The following EBF1 variants were observed in gnomAD, a reference collection of about 807,000 sequenced individuals.
EBF1 encodes transcription factor COE1.
Under a neutral mutation model 68.4 loss-of-function variants are expected in EBF1, and 10 were observed. The ratio of observed to expected loss-of-function variants is 0.15; its 90% confidence interval spans 0.09 to 0.25. The LOEUF (loss-of-function observed/expected upper bound fraction) is 0.25, where lower values mean the gene tolerates loss of function less well. Ranked by LOEUF, EBF1 falls within the 10% of genes least tolerant of loss-of-function variation. The probability of loss-of-function intolerance (pLI) is 1.00; values close to 1 mark genes in which losing one functional copy is unlikely to be tolerated. For synonymous variants in EBF1, 298 were observed against 299.8 expected, an observed-to-expected ratio of 0.99 and a Z score of 0.06; for missense variants, 509 against 794.4, an observed-to-expected ratio of 0.64 and a Z score of 4.32.
chr5:158,963,487 C>G (rs751732009), intron 6 of EBF1, among the ~76,000 whole-genome samples: 4 of 152,150 alleles, frequency 2.6e-5, no homozygotes, highest in Non-Finnish European at 5.9e-5. Flanking sequence ...CTCCCTCCAA[C>G]TGAAAAAACA....
At chr5:158,843,034 A>G (rs1790634132) in intron 6 of EBF1, among the ~76,000 whole-genome samples, 1 of 152,226 alleles carries the variant, frequency 6.6e-6, no homozygotes, top group South Asian at 2.1e-4. Context: ...TTTGCTAATA[A>G]GAGTAAATAA....
At chr5:158,955,789 C>A (rs6556376) in intron 6 of EBF1, among the ~76,000 whole-genome samples, 57,267 of 151,918 alleles carry the variant, frequency 0.38, 11,087 homozygotes, top group South Asian at 0.61. Flanking sequence ...CTCAGATCAA[C>A]CCTCAAAGAG....
chr5:159,091,963 C>T (rs1781731908), intron 4 of EBF1, among the ~76,000 whole-genome samples: 1 of 151,968 alleles, frequency 6.6e-6, no homozygotes, highest in Non-Finnish European at 1.5e-5. Flanking sequence ...AATTTGGTAT[C>T]TTTTCTTTGA....
At chr5:158,798,882 T>A (rs983804647) in intron 8 of EBF1, among the ~76,000 whole-genome samples, 5 of 152,118 alleles carry the variant, frequency 3.3e-5, no homozygotes, top group African/African-American at 4.8e-5. Context: ...CCCTCCTACC[T>A]CTACACTCAG....
intron 6 of EBF1, among the ~76,000 whole-genome samples, chr5:158,904,061 C>T (rs1246059329): frequency 1.3e-5 from 2 of 152,118 alleles, no homozygotes; most frequent in African/African-American, 4.8e-5. Context: ...AAACCAAACC[C>T]AAGGCCCTGA....
At chr5:159,086,107 C>A (rs1780597541) in intron 4 of EBF1, among the ~76,000 whole-genome samples, 1 of 152,078 alleles carries the variant, frequency 6.6e-6, no homozygotes, top group Non-Finnish European at 1.5e-5. Flanking sequence ...TACATGTACA[C>A]CTACAAAAAG....
At chr5:159,056,582 G>A (rs1038906201) in intron 6 of EBF1, among the ~76,000 whole-genome samples, 4 of 152,056 alleles carry the variant, frequency 2.6e-5, no homozygotes, top group South Asian at 2.1e-4. Flanking sequence ...AAACCTCTTC[G>A]GGCTTAGGCA....
At chr5:158,856,870 A>G (rs1216868279) in intron 6 of EBF1, among the ~76,000 whole-genome samples, 3 of 152,154 alleles carry the variant, frequency 2.0e-5, no homozygotes, top group African/African-American at 4.8e-5. Flanking sequence ...TCCCTTTACC[A>G]CTGTAGGGTA....
intron 6 of EBF1, among the ~76,000 whole-genome samples, chr5:159,049,490 T>C (rs1030387988): frequency 1.3e-5 from 2 of 152,188 alleles, no homozygotes; most frequent in African/African-American, 4.8e-5. Context: ...TCTGAACCAC[T>C]ATGAAAGGAA....
chr5:158,922,939 G>A (rs1399248556), intron 6 of EBF1, among the ~76,000 whole-genome samples: 1 of 152,160 alleles, frequency 6.6e-6, no homozygotes, highest in African/African-American at 2.4e-5. Flanking sequence ...AATTCAAGTG[G>A]CCACTTGTAT....
intron 6 of EBF1, among the ~76,000 whole-genome samples, chr5:158,939,133 C>T (rs1159474288): frequency 1.3e-5 from 2 of 152,164 alleles, no homozygotes; most frequent in East Asian, 1.9e-4. Context: ...AAATGGAGCC[C>T]GTGGGCACTT....
At chr5:158,791,153 T>C (rs1240193701) in intron 9 of EBF1, among the ~76,000 whole-genome samples, 1 of 151,930 alleles carries the variant, frequency 6.6e-6, no homozygotes, top group Non-Finnish European at 1.5e-5. Context: ...ACCCCGTCTC[T>C]ACTAAAAATA....
chr5:158,895,823 C>T (rs1802068447), intron 6 of EBF1, among the ~76,000 whole-genome samples: 2 of 152,198 alleles, frequency 1.3e-5, no homozygotes, highest in African/African-American at 2.4e-5. Flanking sequence ...TGCTGAAATG[C>T]AACTCAACTT....
chr5:159,090,318 A>G (rs73305738), intron 4 of EBF1, among the ~76,000 whole-genome samples: 1 of 151,982 alleles, frequency 6.6e-6, no homozygotes, highest in Non-Finnish European at 1.5e-5. Context: ...AAGGCACACT[A>G]GTTAAAAATT....
chr5:159,010,834 T>A (rs1247707594), intron 6 of EBF1, among the ~76,000 whole-genome samples: 1 of 152,202 alleles, frequency 6.6e-6, no homozygotes, highest in Non-Finnish European at 1.5e-5. Context: ...GCTCTTTAAT[T>A]GAAAAAAGCT....
intron 6 of EBF1, among the ~76,000 whole-genome samples, chr5:159,040,442 TG>T: frequency 6.6e-6 from 1 of 152,348 alleles, no homozygotes; most frequent in East Asian, 1.9e-4. Flanking sequence ...GAAGCTGAGT[TG>T]GCAGTGGCCT....
chr5:158,798,988 G>C lies in EBF1; in HGVS notation c.779-2513C>G, dbSNP rs550203313. On this transcript the variant is annotated intron_variant, in intron 8 of 15. Transcript: ENST00000313708. ...AGTTTAGACCTCTAAGGGTTCCAAA[G>C]CTCCTCCTATACATCTGTTATAACA... Among the ~76,000 whole-genome samples, 13 of 152,206 alleles carry C rather than the reference G, an allele frequency of 8.5e-5. No homozygotes were observed. In the South Asian group the frequency reaches 2.7e-3, roughly 32 times the overall value.
intron 6 of EBF1, among the ~76,000 whole-genome samples, chr5:158,867,188 A>G (rs1796075207): frequency 6.6e-6 from 1 of 152,124 alleles, no homozygotes; most frequent in African/African-American, 2.4e-5. Flanking sequence ...AATGGTGTCA[A>G]TGAAAGGAGA....
chr5:158,735,948 C>T lies in EBF1; in HGVS notation c.1037-4791G>A, dbSNP rs180702395. On this transcript the variant is annotated intron_variant, in intron 10 of 15. Coordinates refer to ENST00000313708, the MANE Select transcript of EBF1 (RefSeq NM_024007.5). ...CCAAATGTGCATGCAGCATGAAATG[C>T]TATATGCAAAGAAAATCGAGATAAC... is the stretch of plus-strand genomic sequence containing the variant. Among the ~76,000 whole-genome samples the T allele has an allele frequency of 2.0e-5, 3 of 152,166 alleles. No individual in the cohort carries two copies. The East Asian group carries it at 5.8e-4, about 29-fold the overall frequency.
Sources: gnomAD v4.1 joint callset for allele counts (sites outside exome capture counted in the v4.1 genomes callset) on GRCh38, gnomAD v4.1.1 for gene constraint, MANE v1.5 for transcripts, NCBI Gene and HGNC (gene_info 2026-07-23, HGNC 2026-07-21) for gene names.